ABLIM2: variants seen among roughly 807,000 people sequenced by gnomAD.
ABLIM2 encodes actin binding LIM protein family member 2.
ABLIM2 carries 53 observed loss-of-function variants against 97.7 expected under a neutral mutation model. The observed-to-expected ratio is 0.54, with a 90% CI of 0.44 to 0.68. The LOEUF (loss-of-function observed/expected upper bound fraction) is 0.68, where lower values mean the gene tolerates loss of function less well. Among genes scored for constraint, ABLIM2 ranks in the 30% least tolerant of loss-of-function variants. ABLIM2 has a pLI of 0.00. For synonymous variants in ABLIM2, 361 were observed against 345.8 expected (o/e 1.04, Z -0.49); for missense variants, 835 against 867.2 (o/e 0.96, Z 0.47).
At position 7,966,150 on chromosome 4, in the gene ABLIM2, C is replaced by G. The variant is rs1291414372; in HGVS notation, c.*840G>C. The G allele has an allele frequency of 2.0e-5, 3 of 152,432 alleles. No individual in the cohort carries two copies. Among genetic ancestry groups the G allele is most frequent in the East Asian group, 3.9e-4 (2 of 5,192 alleles). 9.4% of individuals were successfully genotyped at this position (152,432 alleles called of 1,614,324 possible). A position where few individuals can be genotyped will look rare whatever the true frequency, so the allele number is the denominator to read the frequency against. The stretch of plus-strand genomic sequence containing the variant: ...AAAAAGAAAAAGAAAAGAAACTAGA[C>G]AGGGAGCTCTGTGTATGAGGACCAC... On this transcript the variant is annotated 3_prime_UTR_variant, in exon 21 of 21. Transcript: ENST00000447017.
chr4:7,986,594 G>A lies in ABLIM2; in HGVS notation c.1681-1701C>T, dbSNP rs1744348848. The stretch of plus-strand genomic sequence containing the variant: ...TGCCTTGCTCCCTCACTCTAGTTCT[G>A]GGCCTGGACCCTGAGCCAGGGTCCT... On this transcript the variant is annotated intron_variant, in intron 17 of 20. Coordinates refer to ENST00000447017, the MANE Select transcript of ABLIM2 (RefSeq NM_001130083.2). This position sits in a 1 kb window ranked among gnomAD's most constrained non-coding sequence, Gnocchi z 4.3. Among the ~76,000 whole-genome samples the A allele has an allele frequency of 6.6e-6, 1 of 152,038 alleles. No individual in the cohort carries two copies. Among genetic ancestry groups the A allele is most frequent in the African/African-American group, 2.4e-5 (1 of 41,364 alleles).
rs1840919403 is a variant in ABLIM2, at chr4:8,112,673, A to C, written c.11-6036T>G. Among the ~76,000 whole-genome samples, 1 of 152,208 alleles carries C rather than the reference A, an allele frequency of 6.6e-6. No individual in the cohort carries two copies. The highest frequency in any genetic ancestry group is 2.4e-5 in the African/African-American group (1 of 41,456). ...ACAGTGTAGGCCCCAGGGACACCAC[A>C]GTGAACACAACAGCCACGGTCCCAG... is the stretch of plus-strand genomic sequence containing the variant. On this transcript the variant is annotated intron_variant, in intron 1 of 20. Transcript: ENST00000447017. The surrounding 1 kb of genome is among the most constrained non-coding windows in gnomAD (Gnocchi z 4.2).
At chr4:8,024,806 A>G (rs1350314617) in intron 12 of ABLIM2, among the ~76,000 whole-genome samples, 1 of 152,192 alleles carries the variant, frequency 6.6e-6, no homozygotes, top group African/African-American at 2.4e-5. Flanking sequence ...TACATTCTGG[A>G]AAGAGGCTGG....
rs970719293 is a variant in ABLIM2 at position 8,071,127 on chromosome 4, G to C, written c.675+6501C>G. ...AGAGGCTGGTCACACCGCTGTCCCC[G>C]TGGATTCGCCAGCTGAGTCCCAGCT... On this transcript the variant is annotated intron_variant, in intron 6 of 20. Coordinates refer to ENST00000447017, the MANE Select transcript of ABLIM2 (RefSeq NM_001130083.2). The surrounding 1 kb of genome is among the most constrained non-coding windows in gnomAD (Gnocchi z 6.2). 1.4e-4 allele frequency among the ~76,000 whole-genome samples: 22 copies of C among 151,838 alleles called. No individual in the cohort carries two copies. The highest frequency in any genetic ancestry group is 2.9e-5 in the Non-Finnish European group (2 of 67,970).
intron 1 of ABLIM2, among the ~76,000 whole-genome samples, chr4:8,129,324 C>A (rs566045926): frequency 1.0e-3 from 157 of 152,378 alleles, no homozygotes; most frequent in Non-Finnish European, 2.0e-3. Context: ...GAGGCCAGCA[C>A]CCCATCGTAG....
chr4:8,148,101 TCACCAAAGCCCACCATGCGCAC>T lies in ABLIM2; in HGVS notation c.10+10557_10+10578del, dbSNP rs1348539533. On this transcript the variant is annotated intron_variant, in intron 1 of 20. Coordinates refer to ENST00000447017, the MANE Select transcript of ABLIM2 (RefSeq NM_001130083.2). This position sits in a 1 kb window ranked among gnomAD's most constrained non-coding sequence, Gnocchi z 6.7. ...CCGACCTTGCTGGGGGAGAAACCCC[TCACCAAAGCCCACCATGCGCAC>T]CTTCCCCGGCAGAGAAGGGGTTTGG... Among the ~76,000 whole-genome samples the T allele has an allele frequency of 6.6e-6, 1 of 152,138 alleles. No homozygotes were observed. The highest frequency in any genetic ancestry group is 1.5e-5 in the Non-Finnish European group (1 of 68,014).
chr4:8,057,545 C>T (rs1166173676), intron 7 of ABLIM2, among the ~76,000 whole-genome samples: 4 of 152,182 alleles, frequency 2.6e-5, no homozygotes, highest in African/African-American at 9.7e-5. Flanking sequence ...TCCCAATTTT[C>T]GCCCCTACTA....
intron 6 of ABLIM2, among the ~76,000 whole-genome samples, chr4:8,076,406 C>G (rs1332243577): frequency 6.6e-6 from 1 of 152,190 alleles, no homozygotes; most frequent in Admixed American, 6.5e-5. Context: ...ACACCCCATT[C>G]CACCCTCTCC....
In ABLIM2 at chr4:8,075,930, A is replaced by G. The variant is rs925060561; in HGVS notation, c.675+1698T>C. ...TCAACTATGATTACATGGAAAGAAAAAACGAAAGAAAACTGGCCAGAAAGT... is the reference window on the plus strand; with the variant it reads ...TCAACTATGATTACATGGAAAGAAAGAACGAAAGAAAACTGGCCAGAAAGT... On this transcript the variant is annotated intron_variant, in intron 6 of 20. Transcript: ENST00000447017. This position sits in a 1 kb window ranked among gnomAD's most constrained non-coding sequence, Gnocchi z 4.4. Among the ~76,000 whole-genome samples, 1 of 152,218 alleles carries G rather than the reference A, an allele frequency of 6.6e-6. No homozygotes were observed. The highest frequency in any genetic ancestry group is 1.5e-5 in the Non-Finnish European group (1 of 68,046).
chr4:8,055,736 T>C (rs1798665486), intron 7 of ABLIM2, among the ~76,000 whole-genome samples: 1 of 152,212 alleles, frequency 6.6e-6, no homozygotes, highest in South Asian at 2.1e-4. Context: ...CTCGAAGCTC[T>C]GAGAGATGGT....
Position 8,020,195 on chromosome 4 carries a change from A to G in ABLIM2, c.1369+7T>C, listed in dbSNP as rs781701445. The stretch of plus-strand genomic sequence containing the variant: ...AAGGAGCCCAGCCAGCGTGTCCCGG[A>G]GCCTACCTGGGACGTGGAAGTGGCG... On this transcript the variant is annotated splice_region_variant and intron_variant, in intron 13 of 20. Transcript: ENST00000447017. The G allele has an allele frequency of 5.6e-6, 9 of 1,611,352 alleles. No individual in the cohort carries two copies. The African/African-American group carries it at 8.0e-5, about 14-fold the overall frequency.
chr4:7,983,124 C>T (rs999267342), intron 20 of ABLIM2, 140 bp downstream of exon 20: 81 of 882,110 alleles, frequency 9.2e-5, no homozygotes, highest in Middle Eastern at 2.8e-4. Context: ...GCAATGTGGG[C>T]CTGACTCTGC....
intron 2 of ABLIM2, among the ~76,000 whole-genome samples, chr4:8,100,740 C>T (rs1834112008): frequency 7.7e-6 from 1 of 129,290 alleles, no homozygotes; most frequent in Admixed American, 8.4e-5. Context: ...GAATGAAACT[C>T]CATCTCAGGA....
At position 8,125,434 on chromosome 4, in the gene ABLIM2, C is replaced by T. The variant is rs915662376; in HGVS notation, c.11-18797G>A. Among the ~76,000 whole-genome samples the T allele has an allele frequency of 2.0e-5, 3 of 152,236 alleles. No individual in the cohort carries two copies. The highest frequency in any genetic ancestry group is 7.2e-5 in the African/African-American group (3 of 41,456). ...GTTTTAATTGTGGATACCCTTGCTT[C>T]GCATGTGAATCGCGATCTGCAGTGC... On this transcript the variant is annotated intron_variant, in intron 1 of 20. Coordinates refer to ENST00000447017, the MANE Select transcript of ABLIM2 (RefSeq NM_001130083.2). This position sits in a 1 kb window ranked among gnomAD's most constrained non-coding sequence, Gnocchi z 6.2.
intron 13 of ABLIM2, 138 bp downstream of exon 13, chr4:8,020,064 T>A: frequency 1.4e-6 from 1 of 728,832 alleles, no homozygotes; most frequent in East Asian, 2.7e-5. Context: ...GAAATCTCAG[T>A]GCCTGGGGAG....
Position 7,992,235 on chromosome 4 carries a change from G to C in ABLIM2, c.1680+631C>G, listed in dbSNP as rs1012330718. 2.6e-5 allele frequency among the ~76,000 whole-genome samples: 4 copies of C among 152,152 alleles called. No homozygotes were observed. The highest frequency in any genetic ancestry group is 9.7e-5 in the African/African-American group (4 of 41,438). On this transcript the variant is annotated intron_variant, in intron 17 of 20. Transcript: ENST00000447017. This position sits in a 1 kb window ranked among gnomAD's most constrained non-coding sequence, Gnocchi z 5.7. ...CTGGGGCACAGGGCCTGGCCCCTCT[G>C]CAAGGCAATCAGCCCCCAGATTGTC...
intron 20 of ABLIM2, 111 bp from the exon 21 acceptor site, chr4:7,967,214 G>T: frequency 1.1e-6 from 1 of 871,144 alleles, no homozygotes; most frequent in Non-Finnish European, 1.9e-6. Flanking sequence ...ATTGAGGATG[G>T]GGTGGCCCTC....
rs1056666288 is a variant in ABLIM2, at chr4:8,032,446, C to T, written c.1048-2670G>A. Among the ~76,000 whole-genome samples the T allele has an allele frequency of 5.3e-5, 8 of 152,112 alleles. No individual in the cohort carries two copies. The highest frequency in any genetic ancestry group is 7.4e-5 in the Non-Finnish European group (5 of 68,016). On this transcript the variant is annotated intron_variant, in intron 10 of 20. Coordinates refer to ENST00000447017, the MANE Select transcript of ABLIM2 (RefSeq NM_001130083.2). This position sits in a 1 kb window ranked among gnomAD's most constrained non-coding sequence, Gnocchi z 4.3. ...ACATCCGCAGGGCTGGCAGACATAT[C>T]GGGGAGGCATGCAAGTGCGGGGTGA... is the stretch of plus-strand genomic sequence containing the variant.
intron 18 of ABLIM2, among the ~76,000 whole-genome samples, chr4:7,984,531 A>G (rs540149611): frequency 1.3e-5 from 2 of 152,304 alleles, no homozygotes; most frequent in African/African-American, 4.8e-5. Context: ...TCCCGCTCAG[A>G]CCCTGGAAGC....
Sources: gnomAD v4.1 joint callset for allele counts (sites outside exome capture counted in the v4.1 genomes callset) on GRCh38, gnomAD v4.1.1 for gene constraint, Gnocchi (gnomAD v3.1) non-coding constraint, MANE v1.5 for transcripts, NCBI Gene and HGNC (gene_info 2026-07-23, HGNC 2026-07-21) for gene names.